Variants in FGF13 observed in about 807,000 individuals in gnomAD.
The protein encoded by FGF13 is fibroblast growth factor homologous factor 2.
A neutral mutation model predicts 19.5 loss-of-function variants in FGF13; 2 were observed. That is an observed-to-expected ratio of 0.10 (90% CI 0.04 to 0.32). FGF13 has a LOEUF of 0.32. Among genes scored for constraint, FGF13 ranks in the 10% least tolerant of loss-of-function variants. The pLI is 1.00. For missense variants in FGF13, 113 were observed against 192.7 expected (o/e 0.59, Z 2.45); for synonymous variants, 72 against 76.9 (o/e 0.94, Z 0.33).
chrX:139,133,379 TGG>T, intron 1 of FGF13, among the ~76,000 whole-genome samples: 1 of 104,363 alleles, frequency 9.6e-6, no homozygotes, highest in Non-Finnish European at 2.0e-5. Context: ...ACCAGAAGAC[TGG>T]TGAGAAACGC....
intron 1 of FGF13, among the ~76,000 whole-genome samples, chrX:139,018,170 C>T (rs1475625728): frequency 9.0e-6 from 1 of 111,615 alleles, no homozygotes; most frequent in Admixed American, 9.5e-5. Flanking sequence ...AATGGAGACC[C>T]AGGGCATGTC....
chrX:139,180,356 C>T lies in FGF13; in HGVS notation c.-113+23060G>A, dbSNP rs937427250. Reference sequence around the variant, plus strand: ...TCAAATTTTCTACAATGACTGGCATCATACTGGGCACTAAGCTAAATGATG... The same window carrying T: ...TCAAATTTTCTACAATGACTGGCATTATACTGGGCACTAAGCTAAATGATG... On this transcript the variant is annotated intron_variant, in intron 1 of 2. Coordinates refer to the FGF13 transcript ENST00000421460. Among the ~76,000 whole-genome samples, 6 of 112,180 alleles carry T rather than the reference C, an allele frequency of 5.3e-5. No individual in the cohort carries two copies. In the Admixed American group the frequency reaches 5.7e-4, roughly 11 times the overall value.
chrX:138,766,747 G>A (rs1443976583), intron 3 of FGF13, among the ~76,000 whole-genome samples: 1 of 111,840 alleles, frequency 8.9e-6, no homozygotes, highest in African/African-American at 3.2e-5. Context: ...AAGTGAAGGA[G>A]AGAGATCCTT....
rs1449014981 is a variant in FGF13 at position 138,624,576 on chromosome X, T to G, written c.*8274A>C. The G allele has an allele frequency of 3.7e-5, 4 of 108,742 alleles. No homozygotes were observed. Among genetic ancestry groups the G allele is most frequent in the Non-Finnish European group, 7.8e-5 (4 of 50,971 alleles). 9.0% of individuals were successfully genotyped at this position (108,742 alleles called of 1,213,427 possible). A position where few individuals can be genotyped will look rare whatever the true frequency, so the allele number is the denominator to read the frequency against. ...GTAAAAATAAACAAGTCAGACTACATTAAATTAAAAAGTTTCAAAGCCAGG... is the reference window on the plus strand; with the variant it reads ...GTAAAAATAAACAAGTCAGACTACAGTAAATTAAAAAGTTTCAAAGCCAGG... On this transcript the variant is annotated 3_prime_UTR_variant, in exon 5 of 5. Transcript: ENST00000315930.
intron 3 of FGF13, among the ~76,000 whole-genome samples, chrX:138,781,049 C>A (rs2090637486): frequency 9.0e-6 from 1 of 111,240 alleles, no homozygotes; most frequent in Non-Finnish European, 1.9e-5. Context: ...AACTGAACAA[C>A]CTGCTCCTGA....
At chrX:139,060,776 A>T (rs756156081) in intron 1 of FGF13, among the ~76,000 whole-genome samples, 25 of 111,226 alleles carry the variant, frequency 2.2e-4, no homozygotes, top group African/African-American at 8.1e-4. Context: ...AGAACATATT[A>T]TTTACACACA....
At chrX:139,102,447 A>G (rs2083521655) in intron 1 of FGF13, among the ~76,000 whole-genome samples, 1 of 111,818 alleles carries the variant, frequency 8.9e-6, no homozygotes, top group Admixed American at 9.5e-5. Context: ...CCTAAGCTCT[A>G]TTACTTACTT....
intron 3 of FGF13, among the ~76,000 whole-genome samples, chrX:138,820,706 A>G (rs951549335): frequency 8.9e-6 from 1 of 111,991 alleles, no homozygotes; most frequent in African/African-American, 3.2e-5. Context: ...TGAGAGATAC[A>G]TGGGAAAGTT....
chrX:138,954,426 A>C (rs147708382), intron 1 of FGF13, among the ~76,000 whole-genome samples: 3,108 of 111,810 alleles, frequency 0.028, 122 homozygotes, highest in African/African-American at 0.096. Context: ...CACTAAAAAA[A>C]TCCCTTACCA....
At chrX:138,781,188 G>A (rs1473462011) in intron 3 of FGF13, among the ~76,000 whole-genome samples, 1 of 110,808 alleles carries the variant, frequency 9.0e-6, no homozygotes, top group Non-Finnish European at 1.9e-5. Context: ...GAAATTTATA[G>A]CACTAAATGC....
At chrX:138,872,578 A>T (rs1321166691) in intron 1 of FGF13, among the ~76,000 whole-genome samples, 2 of 112,133 alleles carry the variant, frequency 1.8e-5, no homozygotes, top group Non-Finnish European at 3.8e-5. Flanking sequence ...GTGAATCCAG[A>T]TTTCCTCAAC....
intron 3 of FGF13, among the ~76,000 whole-genome samples, chrX:138,688,578 CG>C (rs2089808554): frequency 9.1e-6 from 1 of 110,476 alleles, no homozygotes. Flanking sequence ...TAAAATACCA[CG>C]TGTACCCCCT....
intron 1 of FGF13, among the ~76,000 whole-genome samples, chrX:139,031,465 C>A (rs2092226291): frequency 9.0e-6 from 1 of 110,860 alleles, no homozygotes; most frequent in Non-Finnish European, 1.9e-5. Flanking sequence ...TCTGTGCCCA[C>A]CTAATTAACT....
At chrX:139,014,613 G>C (rs1347346265) in intron 1 of FGF13, among the ~76,000 whole-genome samples, 1 of 111,071 alleles carries the variant, frequency 9.0e-6, no homozygotes, top group Non-Finnish European at 1.9e-5. Context: ...GAATTTGGTA[G>C]AATTCACTGT....
At chrX:138,705,191 A>G (rs1018089234) in intron 2 of FGF13, among the ~76,000 whole-genome samples, 2 of 112,028 alleles carry the variant, frequency 1.8e-5, no homozygotes, top group African/African-American at 6.5e-5. Context: ...TAAATGACAG[A>G]GAATGATAAA....
intron 2 of FGF13, among the ~76,000 whole-genome samples, chrX:138,707,846 G>A (rs926479434): frequency 8.9e-6 from 1 of 112,101 alleles, no homozygotes; most frequent in African/African-American, 3.2e-5. Flanking sequence ...TGAGACCCTC[G>A]TCAATGGCAT....
At chrX:138,826,015 T>A (rs1307292396) in intron 3 of FGF13, among the ~76,000 whole-genome samples, 2 of 111,517 alleles carry the variant, frequency 1.8e-5, no homozygotes, top group Non-Finnish European at 3.8e-5. Flanking sequence ...GACCTCCAAT[T>A]ATGGGTCTCA....
At chrX:139,025,135 T>A (rs1370467151) in intron 1 of FGF13, among the ~76,000 whole-genome samples, 1 of 111,541 alleles carries the variant, frequency 9.0e-6, no homozygotes, top group African/African-American at 3.3e-5. Flanking sequence ...TTTTCACCAC[T>A]GTCCTTCTGC....
At chrX:138,753,200 C>T (rs978380845) in intron 3 of FGF13, among the ~76,000 whole-genome samples, 2 of 111,885 alleles carry the variant, frequency 1.8e-5, no homozygotes, top group African/African-American at 6.5e-5. Context: ...CAGCATGTCT[C>T]GAAATTTTTG....
Sources: gnomAD v4.1 joint callset for allele counts (sites outside exome capture counted in the v4.1 genomes callset) on GRCh38, gnomAD v4.1.1 for gene constraint, MANE v1.5 for transcripts, NCBI Gene and HGNC (gene_info 2026-07-23, HGNC 2026-07-21) for gene names.